The following CBLN2 variants were observed in gnomAD, a reference collection of about 807,000 sequenced individuals.
The protein encoded by CBLN2 is cerebellin 2 precursor.
In CBLN2, 7 loss-of-function variants were observed where a neutral mutation model predicts 15.0. The observed-to-expected ratio is 0.47, with a 90% confidence interval of 0.27 to 0.88. The LOEUF (loss-of-function observed/expected upper bound fraction) is 0.88. Among genes scored for constraint, CBLN2 ranks in the 40% least tolerant of loss-of-function variants. CBLN2 has a pLI of 0.14. For missense variants in CBLN2, 242 were observed against 304.5 expected, an observed-to-expected ratio of 0.79 and a Z score of 1.53; for synonymous variants, 149 against 135.2, an observed-to-expected ratio of 1.10 and a Z score of -0.71.
At chr18:72,606,446 A>G (rs1291353064) in intron 1 of CBLN2, among the ~76,000 whole-genome samples, 1 of 152,212 alleles carries the variant, frequency 6.6e-6, no homozygotes, top group Non-Finnish European at 1.5e-5. Flanking sequence ...CATAAGCCCT[A>G]AGATATAGAC....
intron 1 of CBLN2, among the ~76,000 whole-genome samples, chr18:72,564,951 G>A (rs1306297065): frequency 1.3e-5 from 2 of 152,182 alleles, no homozygotes; most frequent in East Asian, 3.8e-4. Context: ...ACTATCAGCA[G>A]ATTTCTCAGC....
At chr18:72,618,427 C>G in intron 1 of CBLN2, 1 of 627,538 alleles carries the variant, frequency 1.6e-6, no homozygotes, top group South Asian at 1.5e-5. Context: ...ACCAAGAGCT[C>G]CAGGAGCTTT....
At chr18:72,598,159 T>A (rs1018876381) in intron 1 of CBLN2, among the ~76,000 whole-genome samples, 1 of 152,140 alleles carries the variant, frequency 6.6e-6, no homozygotes, top group Non-Finnish European at 1.5e-5. Flanking sequence ...AGGTCACACA[T>A]AAAACCAGCA....
chr18:72,557,080 T>C (rs184647882), intron 1 of CBLN2, among the ~76,000 whole-genome samples: 96 of 151,880 alleles, frequency 6.3e-4, no homozygotes, highest in African/African-American at 2.2e-3. Context: ...TCCCCTACAA[T>C]ATCTCGAATG....
chr18:72,612,280 C>T (rs2069627537), intron 1 of CBLN2, among the ~76,000 whole-genome samples: 1 of 152,020 alleles, frequency 6.6e-6, no homozygotes, highest in African/African-American at 2.4e-5. Flanking sequence ...TGAAAAATGA[C>T]ATTAATAGTT....
At chr18:72,624,302 T>A (rs1375329375) in intron 1 of CBLN2, among the ~76,000 whole-genome samples, 1 of 152,128 alleles carries the variant, frequency 6.6e-6, no homozygotes, top group Non-Finnish European at 1.5e-5. Flanking sequence ...ACCTTTCCTT[T>A]GTAAAACCGC....
chr18:72,581,071 C>G (rs2069400164), intron 1 of CBLN2, among the ~76,000 whole-genome samples: 1 of 152,192 alleles, frequency 6.6e-6, no homozygotes, highest in African/African-American at 2.4e-5. Flanking sequence ...GTCAGTTTAT[C>G]AAGAATCCCC....
chr18:72,597,783 C>G (rs2144938472), intron 1 of CBLN2, among the ~76,000 whole-genome samples: 1 of 152,304 alleles, frequency 6.6e-6, no homozygotes, highest in Middle Eastern at 3.4e-3. Context: ...TCCTCCTTCT[C>G]CTTTACACAA....
chr18:72,624,978 G>A (rs1463195247), intron 1 of CBLN2, among the ~76,000 whole-genome samples: 1 of 152,032 alleles, frequency 6.6e-6, no homozygotes, highest in African/African-American at 2.4e-5. Flanking sequence ...AAAAAATTTA[G>A]GAAAAGTAAA....
chr18:72,545,899 G>A (rs1394973218), upstream of CBLN2, among the ~76,000 whole-genome samples: 1 of 151,786 alleles, frequency 6.6e-6, no homozygotes, highest in African/African-American at 2.4e-5. Context: ...CAACACTGGG[G>A]GAAAAAAGAA....
chr18:72,540,566 T>C (rs1482435925), intron 3 of CBLN2, among the ~76,000 whole-genome samples: 1 of 152,136 alleles, frequency 6.6e-6, no homozygotes, highest in Non-Finnish European at 1.5e-5. Context: ...ACTAATAGAG[T>C]ATTAGTTCCC....
At chr18:72,549,956 T>C (rs1386131034) in intron 1 of CBLN2, among the ~76,000 whole-genome samples, 1 of 152,206 alleles carries the variant, frequency 6.6e-6, no homozygotes, top group African/African-American at 2.4e-5. Flanking sequence ...TTGCGGTTCC[T>C]AACAGCAATA....
At chr18:72,605,838 T>C (rs138228840) in intron 1 of CBLN2, among the ~76,000 whole-genome samples, 2,177 of 152,364 alleles carry the variant, frequency 0.014, 32 homozygotes, top group Middle Eastern at 0.034. Context: ...TGCTTTTAGA[T>C]GTTACTTTTA....
intron 1 of CBLN2, among the ~76,000 whole-genome samples, chr18:72,582,750 C>T (rs1193714622): frequency 3.3e-5 from 5 of 152,146 alleles, no homozygotes; most frequent in Admixed American, 6.5e-5. Flanking sequence ...ATTGGAAAAG[C>T]AGTTTCCCTG....
At chr18:72,624,948 G>A (rs1042765534) in intron 1 of CBLN2, among the ~76,000 whole-genome samples, 4 of 152,122 alleles carry the variant, frequency 2.6e-5, no homozygotes, top group African/African-American at 4.8e-5. Flanking sequence ...ATGATAATTG[G>A]AAGCAGCTTT....
At chr18:72,616,154 A>G (rs2069660660) in intron 1 of CBLN2, among the ~76,000 whole-genome samples, 1 of 152,144 alleles carries the variant, frequency 6.6e-6, no homozygotes, top group Admixed American at 6.5e-5. Context: ...AAATCAATCA[A>G]TGTTTTGCAT....
chr18:72,571,204 A>C (rs1483691372), intron 1 of CBLN2, among the ~76,000 whole-genome samples: 1 of 152,190 alleles, frequency 6.6e-6, no homozygotes, highest in Admixed American at 6.5e-5. Context: ...TACTTACTTT[A>C]AAGTCTGCAA....
chr18:72,585,684 C>T (rs2069437855), intron 1 of CBLN2, among the ~76,000 whole-genome samples: 1 of 152,184 alleles, frequency 6.6e-6, no homozygotes, highest in African/African-American at 2.4e-5. Context: ...AAGGACCCAC[C>T]CCTTTCCACC....
intron 1 of CBLN2, chr18:72,552,630 A>C (rs1598994777): frequency 6.6e-6 from 1 of 152,298 alleles, no homozygotes; most frequent in East Asian, 1.9e-4. Flanking sequence ...AGATGTTGAG[A>C]TGCTCACTAA....
Sources: gnomAD v4.1 joint callset for allele counts (sites outside exome capture counted in the v4.1 genomes callset) on GRCh38, gnomAD v4.1.1 for gene constraint, MANE v1.5 for transcripts, NCBI Gene and HGNC (gene_info 2026-07-23, HGNC 2026-07-21) for gene names.